The following AGBL1 variants were observed in gnomAD, a reference collection of about 807,000 sequenced individuals.
The protein encoded by AGBL1 is AGBL carboxypeptidase 1, also known as cytosolic carboxypeptidase 4.
In AGBL1, 130 loss-of-function variants were observed where a neutral mutation model predicts 118.9. That is an observed-to-expected ratio of 1.09 (90% CI 0.95 to 1.26). The LOEUF is 1.26. Among genes scored for constraint, AGBL1 ranks in the 50% most tolerant of loss-of-function variants. The probability of loss-of-function intolerance (pLI) is 0.00; values close to 1 mark genes in which losing one functional copy is unlikely to be tolerated. For synonymous variants in AGBL1, 555 were observed against 478.9 expected, an observed-to-expected ratio of 1.16 and a Z score of -2.08; for missense variants, 1,584 against 1,298.1, an observed-to-expected ratio of 1.22 and a Z score of -3.38.
At chr15:86,490,788 A>C (rs1208613752) in intron 18 of AGBL1, among the ~76,000 whole-genome samples, 1 of 151,798 alleles carries the variant, frequency 6.6e-6, no homozygotes, top group Non-Finnish European at 1.5e-5. Context: ...TGCTGTATTA[A>C]AACAACATAG....
At chr15:86,921,757 C>T (rs758712826) in intron 23 of AGBL1, among the ~76,000 whole-genome samples, 11 of 152,112 alleles carry the variant, frequency 7.2e-5, no homozygotes, top group South Asian at 2.1e-4. Flanking sequence ...AATGTCAAGG[C>T]GCCTGTGGCA....
intron 18 of AGBL1, among the ~76,000 whole-genome samples, chr15:86,468,243 C>T (rs561741715): frequency 2.7e-4 from 41 of 152,278 alleles, no homozygotes; most frequent in Middle Eastern, 3.4e-3. Flanking sequence ...TCCTTAGATA[C>T]CTTTTTTCTA....
intron 24 of AGBL1, chr15:86,988,154 A>AT (rs2081302750): frequency 6.4e-7 from 1 of 1,572,062 alleles, no homozygotes; most frequent in Admixed American, 1.7e-5. Context: ...AATACCCTGC[A>AT]TGTGACTACA....
intron 22 of AGBL1, among the ~76,000 whole-genome samples, chr15:86,863,983 G>C (rs990767271): frequency 6.6e-6 from 1 of 152,168 alleles, no homozygotes; most frequent in Non-Finnish European, 1.5e-5. Context: ...AAAGGTAATT[G>C]ATACAATTAT....
intron 23 of AGBL1, among the ~76,000 whole-genome samples, chr15:86,981,624 T>G (rs1261325567): frequency 6.6e-6 from 1 of 152,192 alleles, no homozygotes; most frequent in Non-Finnish European, 1.5e-5. Context: ...GTCACAGAAA[T>G]GCAGAATACT....
intron 17 of AGBL1, among the ~76,000 whole-genome samples, chr15:86,360,742 C>G (rs2080793671): frequency 6.6e-6 from 1 of 151,762 alleles, no homozygotes; most frequent in Admixed American, 6.6e-5. Context: ...TTCAGGATTT[C>G]TGTTTCTTAT....
intron 22 of AGBL1, among the ~76,000 whole-genome samples, chr15:86,678,268 G>A (rs2085886231): frequency 6.6e-6 from 1 of 152,090 alleles, no homozygotes; most frequent in Non-Finnish European, 1.5e-5. Flanking sequence ...TAGACATACA[G>A]TACTCTCAAA....
chr15:86,128,598 G>A (rs536077283), intron 1 of AGBL1, among the ~76,000 whole-genome samples: 7 of 152,296 alleles, frequency 4.6e-5, no homozygotes, highest in South Asian at 2.1e-4. Context: ...GTGACACCTC[G>A]TTCCTTCCAC....
At chr15:86,714,102 T>A (rs1307037614) in intron 22 of AGBL1, among the ~76,000 whole-genome samples, 2 of 152,234 alleles carry the variant, frequency 1.3e-5, no homozygotes, top group Admixed American at 6.5e-5. Flanking sequence ...ATAAATATAA[T>A]TGCTACCACC....
At chr15:86,333,187 G>T (rs2141866743) in intron 17 of AGBL1, among the ~76,000 whole-genome samples, 1 of 152,118 alleles carries the variant, frequency 6.6e-6, no homozygotes, top group Admixed American at 6.6e-5. Flanking sequence ...AAATAAATCA[G>T]AAAAGAACTG....
chr15:86,762,011 A>G (rs545573339), intron 22 of AGBL1, among the ~76,000 whole-genome samples: 2 of 152,144 alleles, frequency 1.3e-5, no homozygotes, highest in South Asian at 4.1e-4. Flanking sequence ...AATGTGGCAC[A>G]TATACACCAT....
At chr15:86,417,127 C>G (rs1376284858) in intron 18 of AGBL1, among the ~76,000 whole-genome samples, 3 of 152,202 alleles carry the variant, frequency 2.0e-5, no homozygotes, top group Admixed American at 1.3e-4. Flanking sequence ...AGCCTGTGCT[C>G]TAGCATGTCT....
rs559166760 is a variant in AGBL1 at position 86,613,648 on chromosome 15, G to A, written c.2994+59111G>A. Among the ~76,000 whole-genome samples, 3 of 152,286 alleles carry A rather than the reference G, an allele frequency of 2.0e-5. No homozygotes were observed. The highest frequency in any genetic ancestry group is 6.5e-5 in the Admixed American group (1 of 15,294). On this transcript the variant is annotated intron_variant, in intron 21 of 22. Transcript: ENST00000614907. The surrounding 1 kb of genome is among the most constrained non-coding windows in gnomAD (Gnocchi z 4.2). The stretch of plus-strand genomic sequence containing the variant: ...ACCAGCTACCTAAAGAAGGCATGAC[G>A]TTTCCCAGAAAGAGGGCATTTTCTA...
At position 86,522,886 on chromosome 15, in the gene AGBL1, T is replaced by G. The variant is rs771411882; in HGVS notation, c.2632T>G (p.Tyr878Asp). The G allele has an allele frequency of 4.3e-6, 7 of 1,613,974 alleles. No individual in the cohort carries two copies. Among genetic ancestry groups the G allele is most frequent in the Non-Finnish European group, 5.1e-6 (6 of 1,179,840 alleles). Residue 878 changes from tyrosine (Y) to aspartate (D), a missense_variant, in exon 19 of 23, where the codon TAC (tyrosine) becomes GAC (aspartate). Transcript: ENST00000614907. ...CAGTGCTCATCTGCAGCCAACCATT[T>G]ACCATGCCAAAGGCCTCCTCTACCA... ...SPSAHLQPTI[Y>D]HAKGLLYHLS...
intron 22 of AGBL1, among the ~76,000 whole-genome samples, chr15:86,897,013 G>A (rs2080139122): frequency 6.6e-6 from 1 of 152,142 alleles, no homozygotes; most frequent in Admixed American, 6.6e-5. Flanking sequence ...GTTAGACAGT[G>A]TCTTTCTTTT....
In AGBL1 at chr15:86,207,094, C is replaced by A. The variant is rs143011527; in HGVS notation, c.489-17820C>A. 8.6e-3 allele frequency among the ~76,000 whole-genome samples: 1,310 copies of A among 152,206 alleles called. 16 individuals are homozygous for A. The highest frequency in any genetic ancestry group is 0.031 in the African/African-American group (1,268 of 41,516). ...TCCTTTCCCCGTTTCTTGTTTTTGT[C>A]AGGTTTGTCAAAGATCAGATTATTG... is the stretch of plus-strand genomic sequence containing the variant. On this transcript the variant is annotated intron_variant, in intron 5 of 22. Coordinates refer to ENST00000614907, the MANE Select transcript of AGBL1 (RefSeq NM_001386094.1).
At chr15:86,192,262 C>A in intron 5 of AGBL1, among the ~76,000 whole-genome samples, 1 of 149,374 alleles carries the variant, frequency 6.7e-6, no homozygotes, top group Middle Eastern at 3.6e-3. Flanking sequence ...AAATATAGAT[C>A]ATTTTAATAC....
intron 21 of AGBL1, among the ~76,000 whole-genome samples, chr15:86,641,430 C>T (rs1257854347): frequency 6.6e-6 from 1 of 151,816 alleles, no homozygotes; most frequent in Non-Finnish European, 1.5e-5. Context: ...AAAAGCAGTG[C>T]CGGTAGTTAC....
At chr15:86,319,248 T>C (rs1232262785) in intron 17 of AGBL1, among the ~76,000 whole-genome samples, 1 of 152,176 alleles carries the variant, frequency 6.6e-6, no homozygotes, top group Non-Finnish European at 1.5e-5. Context: ...TAGGGAATAC[T>C]GCACTGGTTT....
Sources: allele counts gnomAD v4.1 joint callset (sites outside exome capture counted in the v4.1 genomes callset), GRCh38; gene constraint gnomAD v4.1.1; non-coding constraint Gnocchi (gnomAD v3.1); transcripts MANE v1.5; gene names NCBI Gene and HGNC (gene_info 2026-07-23, HGNC 2026-07-21).